Variants in NTRK3 observed in about 807,000 individuals in gnomAD.
The protein encoded by NTRK3 is NT-3 growth factor receptor.
A neutral mutation model predicts 91.7 loss-of-function variants in NTRK3; 24 were observed. The ratio of observed to expected loss-of-function variants is 0.26; its 90% CI spans 0.19 to 0.37. The LOEUF (loss-of-function observed/expected upper bound fraction) is 0.37. Ranked by LOEUF, NTRK3 falls within the 10% of genes least tolerant of loss-of-function variation. NTRK3 has a pLI of 1.00. For synonymous variants in NTRK3, 483 were observed against 404.0 expected (o/e 1.20, Z -2.34); for missense variants, 880 against 1,068.9 (o/e 0.82, Z 2.46).
At chr15:88,121,125 C>T (rs1325500104) in intron 13 of NTRK3, among the ~76,000 whole-genome samples, 2 of 152,056 alleles carry the variant, frequency 1.3e-5, no homozygotes, top group African/African-American at 4.8e-5. Flanking sequence ...AAGATCCACA[C>T]ACTTGCTTCT....
Position 87,912,927 on chromosome 15 carries a change from AAAAAATAT to A in NTRK3, c.2133+16256_2133+16263del, listed in dbSNP as rs1223506607. On this transcript the variant is annotated intron_variant, in intron 17 of 18. Transcript: ENST00000394480. ...GCTGTTCAACTTTTCAAAAAGTAAA[AAAAAATAT>A]ATATATATATATATATATATATATA... 1.0e-3 allele frequency among the ~76,000 whole-genome samples: 98 copies of A among 96,276 alleles called. 2 individuals are homozygous for A. The highest frequency in any genetic ancestry group is 0.012 in the Middle Eastern group (2 of 166). The allele number at this position is 96,276 out of a possible 152,430, so 63.2% of individuals were successfully genotyped here.
At position 88,177,920 on chromosome 15, in the gene NTRK3, G is replaced by T. The variant is rs530714877; in HGVS notation, c.395+5498C>A. On this transcript the variant is annotated intron_variant, in intron 5 of 18. Coordinates refer to ENST00000394480, the Ensembl canonical transcript of NTRK3. ...AGGCTAAGACCAATCCTATGAAGTA[G>T]GAACTCTTATTTTCCTTTCAAAGCT... Among the ~76,000 whole-genome samples the T allele has an allele frequency of 5.3e-5, 8 of 152,320 alleles. No individual in the cohort carries two copies. In the South Asian group the frequency reaches 1.5e-3, roughly 28 times the overall value.
intron 6 of NTRK3, among the ~76,000 whole-genome samples, chr15:88,143,459 A>G (rs2042583670): frequency 6.6e-6 from 1 of 152,222 alleles, no homozygotes; most frequent in South Asian, 2.1e-4. Context: ...TGGTGAAACA[A>G]TAATGTTCTA....
At chr15:88,165,685 A>C (rs1438569435) in intron 5 of NTRK3, among the ~76,000 whole-genome samples, 1 of 152,218 alleles carries the variant, frequency 6.6e-6, no homozygotes, top group African/African-American at 2.4e-5. Flanking sequence ...GGTCTGTATT[A>C]TTATAATGAT....
At chr15:88,095,310 G>A (rs1479607173) in intron 13 of NTRK3, among the ~76,000 whole-genome samples, 2 of 152,222 alleles carry the variant, frequency 1.3e-5, no homozygotes, top group African/African-American at 2.4e-5. Context: ...TTCTCACCAA[G>A]AGATATATCT....
chr15:87,929,163 A>T (rs2141908031), intron 17 of NTRK3, 28 bp downstream of exon 17: 1 of 1,614,166 alleles, frequency 6.2e-7, no homozygotes, highest in Non-Finnish European at 8.5e-7. Flanking sequence ...TCTGTGGCTG[A>T]GTCCTGCAGC....
At chr15:88,005,802 C>T (rs140175538) in intron 14 of NTRK3, among the ~76,000 whole-genome samples, 114 of 152,282 alleles carry the variant, frequency 7.5e-4, no homozygotes, top group Middle Eastern at 3.4e-3. Flanking sequence ...ATTCCATTCC[C>T]CTTCAACAAA....
At chr15:88,058,686 T>C (rs1384503999) in intron 13 of NTRK3, among the ~76,000 whole-genome samples, 1 of 152,080 alleles carries the variant, frequency 6.6e-6, no homozygotes. Context: ...GATATATCCA[T>C]CCCCATCTGT....
At chr15:88,118,901 T>C (rs906149322) in intron 13 of NTRK3, among the ~76,000 whole-genome samples, 10 of 152,168 alleles carry the variant, frequency 6.6e-5, no homozygotes, top group Non-Finnish European at 1.5e-4. Context: ...ACTCAATGAA[T>C]CTGAGATGCC....
intron 17 of NTRK3, among the ~76,000 whole-genome samples, chr15:87,925,289 T>C (rs2068198443): frequency 6.6e-6 from 1 of 152,212 alleles, no homozygotes; most frequent in African/African-American, 2.4e-5. Flanking sequence ...ATCGTCTGTA[T>C]ACCACTTATG....
intron 5 of NTRK3, among the ~76,000 whole-genome samples, chr15:88,171,266 C>T (rs2045489934): frequency 6.6e-6 from 1 of 152,160 alleles, no homozygotes. Flanking sequence ...ATCTCAATTT[C>T]CTCGTTGAGA....
At chr15:88,171,919 T>A (rs1434666885) in intron 5 of NTRK3, among the ~76,000 whole-genome samples, 1 of 152,224 alleles carries the variant, frequency 6.6e-6, no homozygotes, top group African/African-American at 2.4e-5. Flanking sequence ...GGCGTACACA[T>A]CATTGAGAGG....
At chr15:87,892,083 A>ACACACACAC (rs2065880934) in intron 17 of NTRK3, among the ~76,000 whole-genome samples, 3 of 141,342 alleles carry the variant, frequency 2.1e-5, no homozygotes, top group Admixed American at 7.0e-5. Context: ...CCCCATCCCC[A>ACACACACAC]ACACACACAC....
intron 13 of NTRK3, among the ~76,000 whole-genome samples, chr15:88,045,765 AT>A (rs2080119383): frequency 1.3e-5 from 2 of 152,202 alleles, no homozygotes; most frequent in Admixed American, 6.5e-5. Context: ...TGGCATGTTA[AT>A]GCATCACTCT....
chr15:87,991,919 AT>A (rs575556849), intron 14 of NTRK3, among the ~76,000 whole-genome samples: 4,431 of 146,328 alleles, frequency 0.03, 230 homozygotes, highest in African/African-American at 0.1. Flanking sequence ...TGCTGTTGTG[AT>A]TTTTTTTTTT....
At chr15:88,246,480 A>G (rs2052837969) in intron 3 of NTRK3, among the ~76,000 whole-genome samples, 1 of 152,168 alleles carries the variant, frequency 6.6e-6, no homozygotes, top group Non-Finnish European at 1.5e-5. Context: ...CCCACACTTC[A>G]GCCAGGGCAT....
chr15:88,253,977 C>T (rs1033026942), intron 3 of NTRK3, among the ~76,000 whole-genome samples: 3 of 152,222 alleles, frequency 2.0e-5, no homozygotes, highest in African/African-American at 7.2e-5. Context: ...TATAAAGAGC[C>T]TACGTGATTG....
At chr15:88,164,539 G>A (rs1597702965) in intron 5 of NTRK3, among the ~76,000 whole-genome samples, 1 of 152,022 alleles carries the variant, frequency 6.6e-6, no homozygotes, top group East Asian at 1.9e-4. Context: ...TACTGCCAAA[G>A]CCCATGTTGT....
At chr15:88,089,099 T>C (rs1333040659) in intron 13 of NTRK3, among the ~76,000 whole-genome samples, 2 of 148,290 alleles carry the variant, frequency 1.3e-5, no homozygotes, top group Non-Finnish European at 3.0e-5. Flanking sequence ...TTTGGCTGAG[T>C]GTGAGTTGAG....
Sources: gnomAD v4.1 joint callset for allele counts (sites outside exome capture counted in the v4.1 genomes callset) on GRCh38, gnomAD v4.1.1 for gene constraint, MANE v1.5 for transcripts, NCBI Gene and HGNC (gene_info 2026-07-23, HGNC 2026-07-21) for gene names.